CBFA2T2: variants seen among roughly 807,000 people sequenced by gnomAD.
CBFA2T2 encodes the protein CBFA2/RUNX1 partner transcriptional co-repressor 2.
In CBFA2T2, 11 loss-of-function variants were observed where a neutral mutation model predicts 62.2. The ratio of observed to expected loss-of-function variants is 0.18; its 90% CI spans 0.11 to 0.29. CBFA2T2 has a LOEUF of 0.29. Ranked by LOEUF, CBFA2T2 falls within the 10% of genes least tolerant of loss-of-function variation. The pLI is 1.00. For missense variants in CBFA2T2, 592 were observed against 774.1 expected, an observed-to-expected ratio of 0.76 and a Z score of 2.79; for synonymous variants, 295 against 287.5, an observed-to-expected ratio of 1.03 and a Z score of -0.27.
Position 33,623,982 on chromosome 20 carries a change from A to C in CBFA2T2, c.692+686A>C, listed in dbSNP as rs774485173. ...AAAAAAAAAAAAGAAAAGAAAAGAA[A>C]AAACAAAAAAAAAGAAATACAATCT... On this transcript the variant is annotated intron_variant, in intron 5 of 10. Coordinates refer to ENST00000342704, the MANE Select transcript of CBFA2T2 (RefSeq NM_001032999.3). 1.9e-4 allele frequency: 109 copies of C among 587,178 alleles called. 1 individual carries two copies. The highest frequency in any genetic ancestry group is 3.7e-4 in the Admixed American group (11 of 29,540). The allele number at this position is 587,178 out of a possible 1,614,324, so 36.4% of individuals were successfully genotyped here.
At chr20:33,511,971 A>G (rs2011518616) in intron 1 of CBFA2T2, among the ~76,000 whole-genome samples, 1 of 152,180 alleles carries the variant, frequency 6.6e-6, no homozygotes, top group South Asian at 2.1e-4. Context: ...TGAGGTCAGG[A>G]GTTTGAGACC....
chr20:33,536,865 A>G (rs1057475613), intron 1 of CBFA2T2, among the ~76,000 whole-genome samples: 1 of 125,658 alleles, frequency 8.0e-6, no homozygotes, highest in Non-Finnish European at 1.6e-5. Context: ...CTGGGCAGAG[A>G]CGCTCCTCAC....
intron 1 of CBFA2T2, among the ~76,000 whole-genome samples, chr20:33,536,596 G>T (rs1247737481): frequency 6.6e-6 from 1 of 150,960 alleles, no homozygotes; most frequent in East Asian, 2.0e-4. Context: ...CTGCCGGGCG[G>T]AGGGGCTCCT....
chr20:33,493,697 T>C (rs76625538), intron 1 of CBFA2T2, among the ~76,000 whole-genome samples: 6,532 of 151,952 alleles, frequency 0.043, 339 homozygotes, highest in East Asian at 0.17. Context: ...GACATGGGGT[T>C]TCACTGTGTT....
Position 33,640,363 on chromosome 20 carries a change from AATTCAGGC to A in CBFA2T2, c.1321_1328del (p.Ile441HisfsTer10). ...TAGAAGAAGCTGTGAATAAGGTGAA[AATTCAGGC>A]CATGTCAGAAGTACAGAAGGCCGTC... On this transcript the variant is annotated frameshift_variant, in exon 10 of 11. Coordinates refer to ENST00000342704, the MANE Select transcript of CBFA2T2 (RefSeq NM_001032999.3). LOFTEE classifies it high-confidence loss of function. 6.2e-7 allele frequency: 1 copy of A among 1,613,894 alleles called. No individual in the cohort carries two copies. The highest frequency in any genetic ancestry group is 8.5e-7 in the Non-Finnish European group (1 of 1,179,850).
At chr20:33,623,855 G>C (rs915498377) in intron 5 of CBFA2T2, 34 of 716,884 alleles carry the variant, frequency 4.7e-5, no homozygotes, top group Non-Finnish European at 7.8e-5. Context: ...TGCACACCCG[G>C]TAAGAAACTC....
chr20:33,498,975 G>T (rs888637670), intron 1 of CBFA2T2, among the ~76,000 whole-genome samples: 1 of 151,776 alleles, frequency 6.6e-6, no homozygotes, highest in Non-Finnish European at 1.5e-5. Flanking sequence ...CCCAGGGGGC[G>T]GAAGGTTGCA....
chr20:33,560,366 T>C (rs904335194), intron 1 of CBFA2T2, among the ~76,000 whole-genome samples: 1 of 152,240 alleles, frequency 6.6e-6, no homozygotes, highest in Non-Finnish European at 1.5e-5. Context: ...TCAGACAACC[T>C]GATGCTGACA....
intron 1 of CBFA2T2, among the ~76,000 whole-genome samples, chr20:33,590,986 C>T (rs2014590557): frequency 6.6e-6 from 1 of 151,710 alleles, no homozygotes; most frequent in Non-Finnish European, 1.5e-5. Flanking sequence ...ACCAGCCTGG[C>T]CAACATGGTG....
At chr20:33,611,370 G>A in intron 3 of CBFA2T2, 35 bp downstream of exon 3, 1 of 1,607,130 alleles carries the variant, frequency 6.2e-7, no homozygotes, top group Non-Finnish European at 8.5e-7. Flanking sequence ...TCAGCTGCCT[G>A]AGTATGTGGC....
intron 1 of CBFA2T2, among the ~76,000 whole-genome samples, chr20:33,569,579 G>A (rs2013465271): frequency 6.6e-6 from 1 of 152,142 alleles, no homozygotes; most frequent in African/African-American, 2.4e-5. Context: ...GAATTGTATT[G>A]TGACCTTGAC....
At chr20:33,554,141 CAG>C (rs1289585852) in intron 1 of CBFA2T2, among the ~76,000 whole-genome samples, 1 of 151,938 alleles carries the variant, frequency 6.6e-6, no homozygotes, top group African/African-American at 2.4e-5. Flanking sequence ...TCTTAAGTGA[CAG>C]ATGAAGAAAC....
intron 1 of CBFA2T2, among the ~76,000 whole-genome samples, chr20:33,575,307 C>T (rs1200658851): frequency 6.6e-6 from 1 of 152,030 alleles, no homozygotes; most frequent in African/African-American, 2.4e-5. Context: ...AATGCTTTAC[C>T]CTGCTGTTTA....
At position 33,623,208 on chromosome 20, in the gene CBFA2T2, C is replaced by G. The variant is rs1329714792; in HGVS notation, c.604C>G (p.Leu202Val). The change falls in exon 5 of 11, where the codon CTG becomes GTG. Residue 202 changes from leucine (L) to valine (V), a missense_variant. By Grantham distance (32) the Leu-to-Val change is conservative. Coordinates refer to ENST00000342704, the MANE Select transcript of CBFA2T2 (RefSeq NM_001032999.3). ...SQYLAQHEHL[L>V]LNTSIASPAD... ...GTACCTGGCTCAGCACGAACACCTTCTGCTCAACACAAGCATTGCATCGCC... is the reference window on the plus strand; with the variant it reads ...GTACCTGGCTCAGCACGAACACCTTGTGCTCAACACAAGCATTGCATCGCC... 2 of 1,614,258 alleles carry G rather than the reference C, an allele frequency of 1.2e-6. No individual in the cohort carries two copies. Among genetic ancestry groups the G allele is most frequent in the Admixed American group, 1.7e-5 (1 of 60,036 alleles).
At chr20:33,601,133 C>T (rs1046859654) in intron 1 of CBFA2T2, among the ~76,000 whole-genome samples, 5 of 152,104 alleles carry the variant, frequency 3.3e-5, no homozygotes, top group Admixed American at 6.6e-5. Flanking sequence ...TAAGCCTCCC[C>T]GCTCCCTTCT....
At chr20:33,612,281 C>T (rs116929848) in intron 3 of CBFA2T2, among the ~76,000 whole-genome samples, 1 of 152,326 alleles carries the variant, frequency 6.6e-6, no homozygotes, top group East Asian at 1.9e-4. Flanking sequence ...GAAGTACTGC[C>T]AGTTCCCAAT....
intron 1 of CBFA2T2, among the ~76,000 whole-genome samples, chr20:33,523,526 G>A (rs561340798): frequency 6.6e-6 from 1 of 152,268 alleles, no homozygotes; most frequent in African/African-American, 2.4e-5. Flanking sequence ...CTAGATGAGA[G>A]AGGTTTTACT....
chr20:33,562,935 C>T (rs2013144253), intron 1 of CBFA2T2, among the ~76,000 whole-genome samples: 1 of 152,140 alleles, frequency 6.6e-6, no homozygotes, highest in African/African-American at 2.4e-5. Flanking sequence ...AATTCTACAG[C>T]TAGAAAAGTA....
intron 1 of CBFA2T2, among the ~76,000 whole-genome samples, chr20:33,548,307 G>T (rs979413159): frequency 6.6e-6 from 1 of 150,936 alleles, no homozygotes; most frequent in Non-Finnish European, 1.5e-5. Context: ...TTGCAGTCAC[G>T]CAATCGGCTC....
Sources: gnomAD v4.1 joint callset for allele counts (sites outside exome capture counted in the v4.1 genomes callset) on GRCh38, gnomAD v4.1.1 for gene constraint, MANE v1.5 for transcripts, NCBI Gene and HGNC (gene_info 2026-07-23, HGNC 2026-07-21) for gene names.